NOL10: variants seen among roughly 807,000 people sequenced by gnomAD.
The protein encoded by NOL10 is nucleolar protein 10.
In NOL10, 58 loss-of-function variants were observed where a neutral mutation model predicts 103.5. The observed-to-expected ratio is 0.56, with a 90% CI of 0.45 to 0.70. The LOEUF is 0.70. Among genes scored for constraint, NOL10 ranks in the 30% least tolerant of loss-of-function variants. The probability of loss-of-function intolerance (pLI) is 0.00; values close to 1 mark genes in which losing one functional copy is unlikely to be tolerated. For missense variants in NOL10, 763 were observed against 807.3 expected, an observed-to-expected ratio of 0.95 and a Z score of 0.67; for synonymous variants, 287 against 282.5, an observed-to-expected ratio of 1.02 and a Z score of -0.16.
chr2:10,667,078 T>C (rs1292166438), intron 8 of NOL10, 140 bp downstream of exon 8: 1 of 595,434 alleles, frequency 1.7e-6, no homozygotes, highest in Non-Finnish European at 3.0e-6. Flanking sequence ...CAATATTTAC[T>C]GAATGTTACT....
intron 12 of NOL10, among the ~76,000 whole-genome samples, chr2:10,652,038 G>A (rs1259514232): frequency 7.2e-5 from 11 of 152,020 alleles, no homozygotes; most frequent in Non-Finnish European, 1.5e-4. Flanking sequence ...TCAGGAGTTC[G>A]AGACCAGCCT....
intron 13 of NOL10, among the ~76,000 whole-genome samples, chr2:10,638,054 G>T (rs1346386008): frequency 6.6e-6 from 1 of 152,174 alleles, no homozygotes; most frequent in Non-Finnish European, 1.5e-5. Flanking sequence ...GGCCAACGTG[G>T]GAGGATCGCT....
At chr2:10,655,314 A>AAAC (rs1558327151) in intron 11 of NOL10, among the ~76,000 whole-genome samples, 3 of 151,910 alleles carry the variant, frequency 2.0e-5, no homozygotes, top group Non-Finnish European at 4.4e-5. Context: ...GAAAGGAAAA[A>AAAC]AGAAAAGAAA....
intron 11 of NOL10, among the ~76,000 whole-genome samples, chr2:10,656,797 G>A (rs1679868982): frequency 6.6e-6 from 1 of 152,192 alleles, no homozygotes; most frequent in African/African-American, 2.4e-5. Flanking sequence ...AACTAAAAAT[G>A]CTAAGTTTCT....
In NOL10 at chr2:10,607,306, C is replaced by T. The variant is rs776323469; in HGVS notation, c.1032G>A (p.Leu344=). The change falls in exon 14 of 21, where the codon TTG becomes TTA. Residue 344 remains leucine, a synonymous_variant. Coordinates refer to ENST00000381685, the MANE Select transcript of NOL10 (RefSeq NM_024894.4). The part of the protein sequence containing the change: ...PKMGIYYIPV[L]GPAPRWCSFL... ...AGGAACACCACCGAGGAGCAGGACCCAAAACCTGTTGGTGTTTATGAGAAG... is the reference window on the plus strand; with the variant it reads ...AGGAACACCACCGAGGAGCAGGACCTAAAACCTGTTGGTGTTTATGAGAAG... The T allele has an allele frequency of 5.0e-6, 8 of 1,598,486 alleles. No homozygotes were observed. The South Asian group carries it at 9.1e-5, about 18-fold the overall frequency.
intron 7 of NOL10, among the ~76,000 whole-genome samples, chr2:10,667,756 C>A (rs1440702669): frequency 6.6e-6 from 1 of 151,842 alleles, no homozygotes; most frequent in African/African-American, 2.4e-5. Context: ...AAAAAGACTG[C>A]AAAGCGTTCA....
intron 13 of NOL10, chr2:10,622,211 T>G (rs1273213805): frequency 4.3e-6 from 2 of 470,548 alleles, no homozygotes; most frequent in African/African-American, 4.0e-5. Context: ...GTATGATATA[T>G]CTACACAACA....
intron 13 of NOL10, among the ~76,000 whole-genome samples, chr2:10,618,900 T>A (rs774436006): frequency 6.6e-6 from 1 of 152,210 alleles, no homozygotes; most frequent in Non-Finnish European, 1.5e-5. Context: ...ATCAATTCAC[T>A]CCTTTTCCTT....
At chr2:10,634,669 A>G in intron 13 of NOL10, 1 of 453,910 alleles carries the variant, frequency 2.2e-6, no homozygotes, top group East Asian at 7.0e-5. Flanking sequence ...TAAAGAAGAG[A>G]CAAGGACTAA....
At chr2:10,575,234 C>T (rs1361484664) in intron 20 of NOL10, among the ~76,000 whole-genome samples, 1 of 152,212 alleles carries the variant, frequency 6.6e-6, no homozygotes, top group Non-Finnish European at 1.5e-5. Context: ...AGTTTTGCCA[C>T]TATACAATTT....
chr2:10,606,325 T>C (rs1676255481), intron 14 of NOL10, among the ~76,000 whole-genome samples: 1 of 151,942 alleles, frequency 6.6e-6, no homozygotes, highest in Non-Finnish European at 1.5e-5. Context: ...GTAGAACGCT[T>C]AGAATACTGC....
intron 10 of NOL10, among the ~76,000 whole-genome samples, chr2:10,658,396 C>G (rs773484744): frequency 6.6e-6 from 1 of 152,118 alleles, no homozygotes; most frequent in East Asian, 1.9e-4. Flanking sequence ...CAGATGCCCT[C>G]TAGCCCATGA....
chr2:10,638,191 C>A (rs146963615), intron 13 of NOL10, among the ~76,000 whole-genome samples: 3 of 152,104 alleles, frequency 2.0e-5, no homozygotes, highest in Non-Finnish European at 2.9e-5. Flanking sequence ...AAAGCTGAGG[C>A]GGGAGGATGC....
intron 13 of NOL10, among the ~76,000 whole-genome samples, chr2:10,643,295 A>G (rs1414748494): frequency 6.6e-6 from 1 of 152,186 alleles, no homozygotes; most frequent in Non-Finnish European, 1.5e-5. Context: ...TAAAAGGACT[A>G]TCATAGACAG....
intron 3 of NOL10, among the ~76,000 whole-genome samples, chr2:10,679,841 G>A (rs1278202875): frequency 6.6e-6 from 1 of 152,062 alleles, no homozygotes; most frequent in Non-Finnish European, 1.5e-5. Flanking sequence ...GGCTGGTCTC[G>A]AACTCCTGGC....
At chr2:10,654,046 A>G (rs940576639) in intron 12 of NOL10, among the ~76,000 whole-genome samples, 1 of 152,186 alleles carries the variant, frequency 6.6e-6, no homozygotes, top group African/African-American at 2.4e-5. Context: ...ATAGCATACA[A>G]CTTAGAATTT....
At chr2:10,669,289 C>G (rs1198821442) in intron 6 of NOL10, among the ~76,000 whole-genome samples, 1 of 150,832 alleles carries the variant, frequency 6.6e-6, no homozygotes, top group African/African-American at 2.4e-5. Flanking sequence ...GAGGTTTCAC[C>G]ATGTTGGCCA....
At chr2:10,579,931 T>C (rs938043058) in intron 19 of NOL10, among the ~76,000 whole-genome samples, 2 of 152,236 alleles carry the variant, frequency 1.3e-5, no homozygotes, top group Non-Finnish European at 2.9e-5. Context: ...ACTTCCTCCA[T>C]GATAGGGCAT....
In NOL10 at chr2:10,681,703, T is replaced by G. The variant is rs570601704; in HGVS notation, c.211+268A>C. Among the ~76,000 whole-genome samples, 172 of 152,314 alleles carry G rather than the reference T, an allele frequency of 1.1e-3. 1 individual carries two copies. Among genetic ancestry groups the G allele is most frequent in the African/African-American group, 4.0e-3 (167 of 41,576 alleles). ...GTGAAGTATACTGGTATCTTCAACT[T>G]ACACTGAAATGCATCAAAGAAACAA... On this transcript the variant is annotated intron_variant, in intron 3 of 20. Transcript: ENST00000381685.
Sources: allele counts gnomAD v4.1 joint callset (sites outside exome capture counted in the v4.1 genomes callset), GRCh38; gene constraint gnomAD v4.1.1; transcripts MANE v1.5; gene names NCBI Gene and HGNC (gene_info 2026-07-23, HGNC 2026-07-21).